The following DSP variants were observed in gnomAD, a reference collection of about 807,000 sequenced individuals.
The protein encoded by DSP is desmoplakin.
DSP carries 114 observed loss-of-function variants against 290.6 expected under a neutral mutation model. That is an observed-to-expected ratio of 0.39 (90% CI 0.34 to 0.46). DSP has a LOEUF of 0.46. Among genes scored for constraint, DSP ranks in the 20% least tolerant of loss-of-function variants. DSP has a pLI of 0.99. For synonymous variants in DSP, 1,311 were observed against 1,316.4 expected, an observed-to-expected ratio of 1.00 and a Z score of 0.09; for missense variants, 3,230 against 3,495.8, an observed-to-expected ratio of 0.92 and a Z score of 1.92.
intron 1 of DSP, among the ~76,000 whole-genome samples, chr6:7,554,401 A>T (rs1758441686): frequency 6.6e-6 from 1 of 152,180 alleles, no homozygotes; most frequent in African/African-American, 2.4e-5. Flanking sequence ...GACCATCTGC[A>T]ACATTTTCCG....
At chr6:7,551,609 G>A (rs565854410) in intron 1 of DSP, among the ~76,000 whole-genome samples, 26 of 150,300 alleles carry the variant, frequency 1.7e-4, no homozygotes, top group Non-Finnish European at 3.0e-4. Flanking sequence ...CAGCCTGGGC[G>A]ACAGAGTGAG....
intron 1 of DSP, among the ~76,000 whole-genome samples, chr6:7,542,965 G>C (rs1452201229): frequency 6.6e-6 from 1 of 152,196 alleles, no homozygotes; most frequent in Non-Finnish European, 1.5e-5. Flanking sequence ...GGACGACGCT[G>C]GGGGCCCGCC....
rs1759057841 is a variant in DSP at position 7,571,651 on chromosome 6, A to C, written c.1903+67A>C. 3.1e-6 allele frequency: 5 copies of C among 1,599,640 alleles called. No homozygotes were observed. The East Asian group carries it at 1.1e-4, about 36-fold the overall frequency. On this transcript the variant is annotated intron_variant, in intron 14 of 23. Coordinates refer to ENST00000379802, the MANE Select transcript of DSP (RefSeq NM_004415.4). ...CCATTTTAAAAAGAAGGGAGTTTGCATAAAACTGGTTTCAGAACCATTTCT... is the reference window on the plus strand; with the variant it reads ...CCATTTTAAAAAGAAGGGAGTTTGCCTAAAACTGGTTTCAGAACCATTTCT...
In DSP at chr6:7,585,085, C is replaced by T. The variant is rs777066674; in HGVS notation, c.7823C>T (p.Ser2608Phe). The T allele has an allele frequency of 1.1e-5, 17 of 1,614,084 alleles. No individual in the cohort carries two copies. In the Admixed American group the frequency reaches 2.8e-4, roughly 27 times the overall value. The change falls in exon 24 of 24, where the codon TCT becomes TTT. Residue 2608 changes from serine to phenylalanine, a missense_variant. Physicochemically the swap from Ser to Phe is radical, Grantham distance 155. Coordinates refer to ENST00000379802, the MANE Select transcript of DSP (RefSeq NM_004415.4). The stretch of plus-strand genomic sequence containing the variant: ...AGGAATTTAACCATAAGGAGCAGCT[C>T]TTTTTCAGACACCCTGGAAGAATCG... The part of the protein sequence containing the change: ...SVRNLTIRSS[S>F]FSDTLEESSP...
intron 4 of DSP, among the ~76,000 whole-genome samples, chr6:7,562,005 A>T (rs995668759): frequency 7.2e-5 from 11 of 152,204 alleles, no homozygotes; most frequent in East Asian, 3.8e-4. Flanking sequence ...TTAATTTTTT[A>T]AAAAAGGTAA....
Position 7,581,343 on chromosome 6 carries a change from T to C in DSP, c.5153T>C (p.Leu1718Ser), listed in dbSNP as rs1278859783. 2 of 1,614,014 alleles carry C rather than the reference T, an allele frequency of 1.2e-6. No individual in the cohort carries two copies. The highest frequency in any genetic ancestry group is 3.3e-5 in the Admixed American group (2 of 60,000). ...ACAGAGAACCTGACCAAGGAGCACT[T>C]GATGTTAGAAGAAGAACTGCGGAAC... ...SLTENLTKEH[L>S]MLEEELRNLR... is the part of the protein sequence containing the mutation. The change falls in exon 23 of 24, where the codon TTG becomes TCG. Residue 1718 changes from leucine to serine, a missense_variant. Around this residue, in one of 5 missense-constraint regions of DSP, gnomAD observed 1,714 missense variants for 1,844.5 expected, o/e 0.93. Coordinates refer to ENST00000379802, the MANE Select transcript of DSP (RefSeq NM_004415.4).
At chr6:7,556,796 C>T (rs539412330) in intron 2 of DSP, among the ~76,000 whole-genome samples, 47 of 152,322 alleles carry the variant, frequency 3.1e-4, no homozygotes, top group African/African-American at 1.1e-3. Flanking sequence ...AGCTTGGCTC[C>T]AGTTCTAGTT....
chr6:7,556,204 T>C (rs1457048949), intron 2 of DSP, among the ~76,000 whole-genome samples: 1 of 150,604 alleles, frequency 6.6e-6, no homozygotes, highest in Non-Finnish European at 1.5e-5. Context: ...TTTAGTATGA[T>C]TTTTTTTTTC....
At chr6:7,571,280 G>A in intron 13 of DSP, 103 bp from the exon 14 acceptor site, 1 of 1,078,946 alleles carries the variant, frequency 9.3e-7, no homozygotes, top group African/African-American at 1.5e-5. Context: ...GATGAGTGTT[G>A]CTTTGAGTCC....
rs541545218 is a variant in DSP, at chr6:7,548,080, A to C, written c.170+5995A>C. Among the ~76,000 whole-genome samples the C allele has an allele frequency of 2.6e-5, 4 of 152,194 alleles. 1 individual carries two copies. In the East Asian group the frequency reaches 7.8e-4, roughly 30 times the overall value. On this transcript the variant is annotated intron_variant, in intron 1 of 23. Coordinates refer to ENST00000379802, the MANE Select transcript of DSP (RefSeq NM_004415.4). ...TCAGGAGTTCCAGCCCAGCCTAGCC[A>C]ATATGGTGAAACCCCGTCTCTACTA...
chr6:7,551,400 G>A (rs1274351247), intron 1 of DSP, among the ~76,000 whole-genome samples: 2 of 152,330 alleles, frequency 1.3e-5, no homozygotes, highest in Non-Finnish European at 2.9e-5. Context: ...GCCAAGGCGG[G>A]TGGATCCCTT....
Position 7,579,919 on chromosome 6 carries a change from A to G in DSP, c.3729A>G (p.Ser1243=), listed in dbSNP as rs150241609. Reference sequence around the variant, plus strand: ...TTAGAAACCAGCTTGATAGACTTTCAAGGGAAAATCGAGATCTGAAGGATG... The same window carrying G: ...TTAGAAACCAGCTTGATAGACTTTCGAGGGAAAATCGAGATCTGAAGGATG... ...KNLRNQLDRL[S]RENRDLKDEI... is the part of the protein sequence containing the mutation. Residue 1243 remains serine, a synonymous_variant, in exon 23 of 24, where the codon TCA becomes TCG. Coordinates refer to ENST00000379802, the MANE Select transcript of DSP (RefSeq NM_004415.4). The surrounding 1 kb of genome is among the most constrained non-coding windows in gnomAD (Gnocchi z 4.1). 16 of 1,614,040 alleles carry G rather than the reference A, an allele frequency of 9.9e-6. No individual in the cohort carries two copies. The highest frequency in any genetic ancestry group is 1.3e-5 in the Non-Finnish European group (15 of 1,180,044).
rs1036454396 is a variant in DSP at position 7,582,384 on chromosome 6, G to T, written c.5380-258G>T. Among the ~76,000 whole-genome samples, 8 of 151,558 alleles carry T rather than the reference G, an allele frequency of 5.3e-5. No individual in the cohort carries two copies. The highest frequency in any genetic ancestry group is 5.3e-4 in the Admixed American group (8 of 15,198). ...ATAATTATTGTTAAGAGTAAGACAG[G>T]TCTGCAACTTACAGTTCCTTCTATA... On this transcript the variant is annotated intron_variant, in intron 23 of 23. Coordinates refer to ENST00000379802, the MANE Select transcript of DSP (RefSeq NM_004415.4). This position sits in a 1 kb window ranked among gnomAD's most constrained non-coding sequence, Gnocchi z 4.2.
chr6:7,581,569 G>A lies in DSP; in HGVS notation c.5379G>A (p.Glu1793=). The A allele has an allele frequency of 5.0e-6, 8 of 1,612,674 alleles. No individual in the cohort carries two copies. The highest frequency in any genetic ancestry group is 6.8e-6 in the Non-Finnish European group (8 of 1,179,992). Residue 1793 remains glutamate (E), a splice_region_variant and synonymous_variant, in exon 23 of 24, where the codon GAG becomes GAA. Transcript: ENST00000379802. Reference sequence around the variant, plus strand: ...AGAAATTCCAAAAGCAGGCTTTAGAGGTATTCACAAATACTTGATCACAGC... The same window carrying A: ...AGAAATTCCAAAAGCAGGCTTTAGAAGTATTCACAAATACTTGATCACAGC... ...EIEKFQKQAL[E]ASNRIQESKN...
rs1355303627 is a variant in DSP, at chr6:7,585,688, C to T, written c.8426C>T (p.Ser2809Leu). ...GLRLLEAASV[S>L]SKGLPSPYNM... ...CGCCTTCTGGAAGCCGCCTCCGTGT[C>T]GTCCAAGGGCTTACCCAGCCCTTAC... The change falls in exon 24 of 24, where the codon TCG becomes TTG. Residue 2809 changes from serine to leucine, a missense_variant. Physicochemically the swap from Ser to Leu is moderately radical, Grantham distance 145 (BLOSUM62 -2). This residue lies in a region of DSP where 582 missense variants were observed against 555.4 expected (regional missense o/e 1.05). Transcript: ENST00000379802. 1.8e-5 allele frequency: 29 copies of T among 1,614,066 alleles called. No homozygotes were observed. The highest frequency in any genetic ancestry group is 2.4e-5 in the Non-Finnish European group (28 of 1,180,038).
intron 15 of DSP, 25 bp downstream of exon 15, chr6:7,572,093 T>C (rs1430286878): frequency 1.3e-6 from 2 of 1,585,460 alleles, no homozygotes; most frequent in Non-Finnish European, 1.7e-6. Flanking sequence ...GTATTTTGCC[T>C]GGTTACCCTG....
At chr6:7,560,812 G>A (rs978288079) in intron 4 of DSP, among the ~76,000 whole-genome samples, 1 of 152,054 alleles carries the variant, frequency 6.6e-6, no homozygotes, top group African/African-American at 2.4e-5. Flanking sequence ...AGTTTTCTTA[G>A]TATGACAGTT....
chr6:7,579,525 C>T lies in DSP; in HGVS notation c.3335C>T (p.Thr1112Ile). The change falls in exon 23 of 24, where the codon ACC becomes ATC. Residue 1112 changes from threonine (T) to isoleucine (I), a missense_variant. Physicochemically the swap from Thr to Ile is moderately conservative, Grantham distance 89 (BLOSUM62 -1). Coordinates refer to ENST00000379802, the MANE Select transcript of DSP (RefSeq NM_004415.4). This position sits in a 1 kb window ranked among gnomAD's most constrained non-coding sequence, Gnocchi z 4.1. ...ATAAAAGAACTCAATGAGAAGATCA[C>T]CCGACTGACTTATGAGATTGAAGAT... ...GQIKELNEKI[T>I]RLTYEIEDEK... is the part of the protein sequence containing the mutation. The T allele has an allele frequency of 6.2e-7, 1 of 1,613,854 alleles. No individual in the cohort carries two copies. Among genetic ancestry groups the T allele is most frequent in the Non-Finnish European group, 8.5e-7 (1 of 1,180,024 alleles).
At position 7,542,320 on chromosome 6, in the gene DSP, G is replaced by A. The variant is rs115370329; in HGVS notation, c.170+235G>A. ...CGGTCGTACCTTTCTCCCCTCCCGC[G>A]AGCCCGGGCGGGTGGTCAGAGGGGG... On this transcript the variant is annotated intron_variant, in intron 1 of 23. Coordinates refer to ENST00000379802, the MANE Select transcript of DSP (RefSeq NM_004415.4). Among the ~76,000 whole-genome samples the A allele has an allele frequency of 0.026, 4,003 of 152,160 alleles. 59 individuals are homozygous for A. Among genetic ancestry groups the A allele is most frequent in the African/African-American group, 0.034 (1,432 of 41,518 alleles).
Sources: allele counts gnomAD v4.1 joint callset (sites outside exome capture counted in the v4.1 genomes callset), GRCh38; gene constraint gnomAD v4.1.1; regional missense constraint gnomAD v4.1.1; non-coding constraint Gnocchi (gnomAD v3.1); transcripts MANE v1.5; gene names NCBI Gene and HGNC (gene_info 2026-07-23, HGNC 2026-07-21).